Variants in APAF1 observed in about 807,000 individuals in gnomAD.
APAF1 encodes apoptotic protease-activating factor 1.
Under a neutral mutation model 152.4 loss-of-function variants are expected in APAF1, and 91 were observed. The observed-to-expected ratio is 0.60, with a 90% CI of 0.50 to 0.71. APAF1 has a LOEUF of 0.71. Among genes scored for constraint, APAF1 ranks in the 30% least tolerant of loss-of-function variants. The probability of loss-of-function intolerance (pLI) is 0.00; values close to 1 mark genes in which losing one functional copy is unlikely to be tolerated. For missense variants in APAF1, 1,283 were observed against 1,472.0 expected, an observed-to-expected ratio of 0.87 and a Z score of 2.10; for synonymous variants, 484 against 494.1, an observed-to-expected ratio of 0.98 and a Z score of 0.27.
At chr12:98,671,745 A>G in intron 12 of APAF1, 26 bp downstream of exon 12, 1 of 1,604,164 alleles carries the variant, frequency 6.2e-7, no homozygotes, top group Non-Finnish European at 8.5e-7. Context: ...GAGAAACCAA[A>G]GGGAGTGGTG....
chr12:98,719,925 A>G (rs2097740129), intron 22 of APAF1, among the ~76,000 whole-genome samples: 1 of 152,148 alleles, frequency 6.6e-6, no homozygotes, highest in Non-Finnish European at 1.5e-5. Flanking sequence ...AGATCTTTTA[A>G]TGTTATGTCT....
At chr12:98,713,824 G>A (rs2097730857) in intron 21 of APAF1, among the ~76,000 whole-genome samples, 2 of 151,986 alleles carry the variant, frequency 1.3e-5, no homozygotes, top group South Asian at 4.2e-4. Context: ...AGTCCATATG[G>A]CCCCACAGAG....
At chr12:98,673,078 A>G (rs1009593729) in intron 12 of APAF1, among the ~76,000 whole-genome samples, 15 of 152,098 alleles carry the variant, frequency 9.9e-5, no homozygotes, top group Admixed American at 5.9e-4. Flanking sequence ...TTACCTTATA[A>G]AAATGTAAGT....
chr12:98,663,200 A>G (rs1442766635), intron 7 of APAF1, among the ~76,000 whole-genome samples: 3 of 152,128 alleles, frequency 2.0e-5, no homozygotes, highest in Admixed American at 1.3e-4. Flanking sequence ...TAGCGAAGTT[A>G]AACTTTTTAC....
chr12:98,647,712 T>G (rs953715600), intron 1 of APAF1, among the ~76,000 whole-genome samples: 17 of 150,750 alleles, frequency 1.1e-4, no homozygotes, highest in Non-Finnish European at 2.1e-4. Flanking sequence ...TCTGTTTTTT[T>G]TTTTTTTTTT....
At chr12:98,650,286 C>T (rs1384399900) in intron 4 of APAF1, among the ~76,000 whole-genome samples, 2 of 152,016 alleles carry the variant, frequency 1.3e-5, no homozygotes, top group African/African-American at 4.8e-5. Flanking sequence ...AGTTCAAGAC[C>T]AGCCTGGGCA....
chr12:98,674,071 CTG>C (rs2097683884), intron 12 of APAF1, among the ~76,000 whole-genome samples: 1 of 152,170 alleles, frequency 6.6e-6, no homozygotes, highest in African/African-American at 2.4e-5. Context: ...TCACTGCTCA[CTG>C]TAGCCTTGAC....
intron 22 of APAF1, among the ~76,000 whole-genome samples, chr12:98,717,746 TTC>T (rs1404891973): frequency 2.6e-5 from 4 of 152,170 alleles, no homozygotes; most frequent in Non-Finnish European, 5.9e-5. Context: ...AGTTGCTTTT[TTC>T]TGTTTGGTTG....
chr12:98,657,535 T>A (rs1414506939), intron 4 of APAF1, among the ~76,000 whole-genome samples: 2 of 152,334 alleles, frequency 1.3e-5, no homozygotes, highest in East Asian at 3.9e-4. Context: ...AAAGTCTAAT[T>A]TTCATAATTA....
In APAF1 at chr12:98,713,846, T is replaced by C. The variant is rs540471057; in HGVS notation, c.2958+1411T>C. ...ATGGCCCCACAGAGAAGAGACTATA[T>C]GCTTAGACACAAAGTGAAGAAGGAA... On this transcript the variant is annotated intron_variant, in intron 21 of 26. Transcript: ENST00000551964. 1.8e-3 allele frequency among the ~76,000 whole-genome samples: 278 copies of C among 152,364 alleles called. 1 individual carries two copies. The highest frequency in any genetic ancestry group is 6.4e-3 in the African/African-American group (267 of 41,588).
At chr12:98,664,003 G>GTTTA (rs528090281) in intron 7 of APAF1, among the ~76,000 whole-genome samples, 24 of 149,370 alleles carry the variant, frequency 1.6e-4, no homozygotes, top group African/African-American at 3.7e-4. Flanking sequence ...AGTTTTGTTT[G>GTTTA]TTTATTTATT....
At chr12:98,677,116 G>A (rs747278919) in intron 12 of APAF1, among the ~76,000 whole-genome samples, 3 of 152,156 alleles carry the variant, frequency 2.0e-5, no homozygotes, top group Non-Finnish European at 2.9e-5. Flanking sequence ...AAAGGAAAAT[G>A]GAAAGTGACA....
chr12:98,694,797 A>G (rs1270484185), intron 16 of APAF1, among the ~76,000 whole-genome samples: 3 of 151,986 alleles, frequency 2.0e-5, no homozygotes, highest in Non-Finnish European at 2.9e-5. Flanking sequence ...ATTTAAGAAT[A>G]CATCACCAAC....
intron 13 of APAF1, among the ~76,000 whole-genome samples, chr12:98,678,491 A>G (rs984121253): frequency 2.6e-5 from 4 of 152,214 alleles, no homozygotes; most frequent in East Asian, 1.9e-4. Flanking sequence ...AACCCGCTCC[A>G]TGGAGCAGGC....
At position 98,734,997 on chromosome 12, in the gene APAF1, C is replaced by T. The variant is rs577850295; in HGVS notation, c.*2431C>T. On this transcript the variant is annotated 3_prime_UTR_variant, in exon 27 of 27. Transcript: ENST00000551964. ...GTGCGGTGGCACGTGCCTGTAATCC[C>T]AGCTCCTTGGGAGGCTAAGACAGGA... 3 of 388,284 alleles carry T rather than the reference C, an allele frequency of 7.7e-6. No homozygotes were observed. Among genetic ancestry groups the T allele is most frequent in the South Asian group, 2.9e-4 (2 of 6,942 alleles). 24.1% of individuals were successfully genotyped at this position (388,284 alleles called of 1,614,324 possible).
chr12:98,717,910 T>G (rs761725300), intron 22 of APAF1, among the ~76,000 whole-genome samples: 1 of 152,194 alleles, frequency 6.6e-6, no homozygotes, highest in Non-Finnish European at 1.5e-5. Context: ...GTGAGTATCT[T>G]CAGGTCTTTT....
chr12:98,656,208 G>T (rs1238763321), intron 4 of APAF1, among the ~76,000 whole-genome samples: 1 of 152,182 alleles, frequency 6.6e-6, no homozygotes, highest in East Asian at 1.9e-4. Context: ...GAGCCACCGT[G>T]CCAGGCTCTA....
chr12:98,723,279 A>G lies in APAF1; in HGVS notation c.3171A>G (p.Arg1057=). ...VKDFRLLKNS[R]LLSWSFDGTV... ...ACTTTAGACTCTTGAAAAATTCAAG[A>G]CTGCTTTCTTGGTCATTTGATGGAA... is the stretch of plus-strand genomic sequence containing the variant. The change falls in exon 23 of 27, where the codon AGA becomes AGG. Residue 1057 remains arginine (R), a synonymous_variant. Transcript: ENST00000551964. 6.2e-7 allele frequency: 1 copy of G among 1,613,792 alleles called. No homozygotes were observed. The highest frequency in any genetic ancestry group is 8.5e-7 in the Non-Finnish European group (1 of 1,179,742).
chr12:98,681,754 A>G (rs1464529297), intron 14 of APAF1, among the ~76,000 whole-genome samples: 1 of 152,202 alleles, frequency 6.6e-6, no homozygotes, highest in Non-Finnish European at 1.5e-5. Flanking sequence ...CACTGAGGGC[A>G]GTTCTAAAGT....
Sources: allele counts gnomAD v4.1 joint callset (sites outside exome capture counted in the v4.1 genomes callset), GRCh38; gene constraint gnomAD v4.1.1; transcripts MANE v1.5; gene names NCBI Gene and HGNC (gene_info 2026-07-23, HGNC 2026-07-21).